The following SVEP1 variants were observed in gnomAD, a reference collection of about 807,000 sequenced individuals.
The protein encoded by SVEP1 is sushi, von Willebrand factor type A, EGF and pentraxin domain containing 1.
A neutral mutation model predicts 367.3 loss-of-function variants in SVEP1; 164 were observed. That is an observed-to-expected ratio of 0.45 (90% CI 0.39 to 0.51). The LOEUF (loss-of-function observed/expected upper bound fraction) is 0.51, where lower values mean the gene tolerates loss of function less well. SVEP1 is among the 20% of genes least tolerant of loss of function. The pLI, the probability that SVEP1 is intolerant of heterozygous loss-of-function variation, is 0.00. For synonymous variants in SVEP1, 1,666 were observed against 1,611.6 expected, an observed-to-expected ratio of 1.03 and a Z score of -0.81; for missense variants, 4,117 against 4,425.3, an observed-to-expected ratio of 0.93 and a Z score of 1.98.
At chr9:110,514,310 G>A (rs1293059983) in intron 3 of SVEP1, among the ~76,000 whole-genome samples, 2 of 152,084 alleles carry the variant, frequency 1.3e-5, no homozygotes, top group African/African-American at 4.8e-5. Flanking sequence ...TCAGGAGTTT[G>A]AGACCAGCCT....
chr9:110,512,298 G>A (rs1829730713), intron 5 of SVEP1, among the ~76,000 whole-genome samples: 1 of 151,906 alleles, frequency 6.6e-6, no homozygotes, highest in African/African-American at 2.4e-5. Context: ...GAAGTTGGTT[G>A]TGTGACAGTT....
At chr9:110,575,754 A>G (rs1212873877) in intron 1 of SVEP1, among the ~76,000 whole-genome samples, 1 of 152,026 alleles carries the variant, frequency 6.6e-6, no homozygotes, top group East Asian at 1.9e-4. Flanking sequence ...GAGGGTTAAT[A>G]CCATTAAGAT....
At chr9:110,534,469 T>G (rs186899413) in intron 3 of SVEP1, among the ~76,000 whole-genome samples, 2 of 152,214 alleles carry the variant, frequency 1.3e-5, no homozygotes, top group Non-Finnish European at 2.9e-5. Context: ...TTATTATGAA[T>G]AGCGCTGCAA....
At chr9:110,518,761 G>A (rs1020195500) in intron 3 of SVEP1, among the ~76,000 whole-genome samples, 1 of 151,942 alleles carries the variant, frequency 6.6e-6, no homozygotes, top group African/African-American at 2.4e-5. Flanking sequence ...TCTTAGATGC[G>A]ACCTCATCAT....
At chr9:110,433,367 A>G (rs1369311957) in intron 30 of SVEP1, among the ~76,000 whole-genome samples, 3 of 15,056 alleles carry the variant, frequency 2.0e-4, no homozygotes, top group Non-Finnish European at 3.4e-4. Flanking sequence ...GATAGGCCAA[A>G]AAAAAAAAAA....
intron 5 of SVEP1, among the ~76,000 whole-genome samples, chr9:110,503,744 G>C (rs72748881): frequency 0.17 from 25,246 of 152,120 alleles, 2,615 homozygotes; most frequent in Admixed American, 0.26. Flanking sequence ...TCCAACCCCA[G>C]TTCTTGTTCT....
At position 110,408,853 on chromosome 9, in the gene SVEP1, G is replaced by A; in HGVS notation, c.6747C>T (p.Arg2249=). Residue 2249 remains arginine (R), a synonymous_variant, in exon 38 of 48, where the codon CGC becomes CGT. Coordinates refer to ENST00000374469, the MANE Select transcript of SVEP1 (RefSeq NM_153366.4). ...GSPVFVCQAN[R]HWHSESPLMC... is the part of the protein sequence containing the mutation. ...TCAGAGGGGATTCACTGTGCCAGTGGCGATTGGCTTGGCAGACAAATACAG... is the reference window on the plus strand; with the variant it reads ...TCAGAGGGGATTCACTGTGCCAGTGACGATTGGCTTGGCAGACAAATACAG... 1 of 1,613,568 alleles carries A rather than the reference G, an allele frequency of 6.2e-7. No individual in the cohort carries two copies. The highest frequency in any genetic ancestry group is 1.3e-5 in the African/African-American group (1 of 75,018).
chr9:110,522,331 T>C (rs1829886222), intron 3 of SVEP1, among the ~76,000 whole-genome samples: 1 of 152,108 alleles, frequency 6.6e-6, no homozygotes, highest in Non-Finnish European at 1.5e-5. Context: ...AATTACAATT[T>C]AGAATGGCAT....
chr9:110,484,253 A>C (rs1829242896), intron 9 of SVEP1, among the ~76,000 whole-genome samples: 1 of 152,182 alleles, frequency 6.6e-6, no homozygotes, highest in Non-Finnish European at 1.5e-5. Flanking sequence ...GCTGGAGCTA[A>C]AGATTTCTAA....
Position 110,411,730 on chromosome 9 carries a change from G to C in SVEP1, c.5981C>G (p.Thr1994Ser). 1 of 1,552,456 alleles carries C rather than the reference G, an allele frequency of 6.4e-7. No individual in the cohort carries two copies. The highest frequency in any genetic ancestry group is 8.7e-7 in the Non-Finnish European group (1 of 1,147,214). Reference sequence around the variant, plus strand: ...TTCAATGGTGTCAAGACCAGCAAGAGTATAGCTGTGAGGTTGGGAAGAAAG... The same window carrying C: ...TTCAATGGTGTCAAGACCAGCAAGACTATAGCTGTGAGGTTGGGAAGAAAG... The part of the protein sequence containing the change: ...TVTYTCKEGY[T>S]LAGLDTIECL... The change falls in exon 37 of 48, where the codon ACT becomes AGT. Residue 1994 changes from threonine to serine, a missense_variant. Coordinates refer to ENST00000374469, the MANE Select transcript of SVEP1 (RefSeq NM_153366.4).
intron 8 of SVEP1, among the ~76,000 whole-genome samples, chr9:110,493,986 T>G (rs953453323): frequency 1.3e-5 from 2 of 152,134 alleles, no homozygotes. Context: ...TCTCTGCACA[T>G]CTCTCAAATC....
chr9:110,406,856 A>G lies in SVEP1; in HGVS notation c.8744T>C (p.Phe2915Ser). 1 of 1,613,976 alleles carries G rather than the reference A, an allele frequency of 6.2e-7. No homozygotes were observed. Among genetic ancestry groups the G allele is most frequent in the Non-Finnish European group, 8.5e-7 (1 of 1,179,884 alleles). The part of the protein sequence containing the change: ...LDYGFMKEVT[F>S]HCHEGYILHG... ...CAAGATGTAGCCCTCGTGACAGTGG[A>G]ATGTTACTTCCTTCATGAAGCCATA... Residue 2915 changes from phenylalanine (F) to serine (S), a missense_variant, in exon 38 of 48, where the codon TTC becomes TCC. Physicochemically the swap from Phe to Ser is radical, Grantham distance 155. Transcript: ENST00000374469.
chr9:110,376,714 A>ACTAC (rs1827355927), intron 45 of SVEP1: 1 of 152,248 alleles, frequency 6.6e-6, no homozygotes, highest in Non-Finnish European at 1.5e-5. Context: ...AGATATTTAA[A>ACTAC]AATTTAACAT....
chr9:110,434,263 G>A (rs1310913568), intron 30 of SVEP1, 73 bp downstream of exon 30: 9 of 1,449,456 alleles, frequency 6.2e-6, no homozygotes, highest in Non-Finnish European at 4.7e-6. Context: ...TCTTTGTCTA[G>A]CATTCCTGAA....
intron 8 of SVEP1, among the ~76,000 whole-genome samples, chr9:110,491,159 T>C (rs1012696868): frequency 3.0e-4 from 45 of 151,890 alleles, no homozygotes; most frequent in Admixed American, 4.6e-4. Flanking sequence ...TGCATCATTC[T>C]GTTTATTTTT....
Position 110,406,831 on chromosome 9 carries a change from C to T in SVEP1, c.8769G>A (p.Leu2923=), listed in dbSNP as rs746764180. Residue 2923 remains leucine (L), a synonymous_variant, in exon 38 of 48, where the codon TTG becomes TTA. Coordinates refer to ENST00000374469, the MANE Select transcript of SVEP1 (RefSeq NM_153366.4). ...GACAGGTGAGTTTTGGAGCACCGTG[C>T]AAGATGTAGCCCTCGTGACAGTGGA... ...VTFHCHEGYI[L]HGAPKLTCQS... 3 of 1,613,994 alleles carry T rather than the reference C, an allele frequency of 1.9e-6. No individual in the cohort carries two copies. Among genetic ancestry groups the T allele is most frequent in the South Asian group, 1.1e-5 (1 of 91,088 alleles).
chr9:110,465,185 G>T (rs1032099279), intron 18 of SVEP1, among the ~76,000 whole-genome samples: 2 of 151,866 alleles, frequency 1.3e-5, no homozygotes, highest in African/African-American at 4.8e-5. Context: ...AGACCCTGGA[G>T]GTAAGGCCTC....
chr9:110,544,406 G>A (rs1830191844), intron 3 of SVEP1, among the ~76,000 whole-genome samples: 1 of 151,816 alleles, frequency 6.6e-6, no homozygotes, highest in Non-Finnish European at 1.5e-5. Context: ...AAAAAAAAAA[G>A]TTGCTCTTTA....
intron 7 of SVEP1, 106 bp from the exon 8 acceptor site, chr9:110,497,039 G>T (rs1829461057): frequency 3.1e-6 from 2 of 649,060 alleles, no homozygotes; most frequent in African/African-American, 1.8e-5. Flanking sequence ...TGACACATTT[G>T]TACATCCCAG....
Sources: allele counts gnomAD v4.1 joint callset (sites outside exome capture counted in the v4.1 genomes callset), GRCh38; gene constraint gnomAD v4.1.1; transcripts MANE v1.5; gene names NCBI Gene and HGNC (gene_info 2026-07-23, HGNC 2026-07-21).